NDUFAF6: variants seen among roughly 807,000 people sequenced by gnomAD.
NDUFAF6 encodes the protein NADH:ubiquinone oxidoreductase complex assembly factor 6, also known as NADH dehydrogenase (ubiquinone) complex I, assembly factor 6.
NDUFAF6 carries 45 observed loss-of-function variants against 40.8 expected under a neutral mutation model. The ratio of observed to expected loss-of-function variants is 1.10; its 90% CI spans 0.87 to 1.42. The LOEUF (loss-of-function observed/expected upper bound fraction) is 1.42. Among genes scored for constraint, NDUFAF6 ranks in the 40% most tolerant of loss-of-function variants. The pLI is 0.00. For synonymous variants in NDUFAF6, 185 were observed against 155.9 expected (o/e 1.19, Z -1.39); for missense variants, 435 against 418.5 (o/e 1.04, Z -0.34).
chr8:95,005,127 T>C (rs913616633), intron 2 of NDUFAF6, among the ~76,000 whole-genome samples: 1 of 152,192 alleles, frequency 6.6e-6, no homozygotes, highest in African/African-American at 2.4e-5. Context: ...GACACTTTTC[T>C]TTGAGGTCAG....
intron 1 of NDUFAF6, among the ~76,000 whole-genome samples, chr8:95,028,898 C>G (rs928031345): frequency 9.2e-5 from 14 of 152,172 alleles, no homozygotes; most frequent in African/African-American, 3.4e-4. Context: ...GCTGCTTTGC[C>G]TTCGCTGTCC....
At chr8:95,064,325 A>G (rs1393749791) in intron 9 of NDUFAF6, among the ~76,000 whole-genome samples, 1 of 152,004 alleles carries the variant, frequency 6.6e-6, no homozygotes, top group Non-Finnish European at 1.5e-5. Context: ...GATCTGTTTG[A>G]ATCTTGCTTT....
intron 1 of NDUFAF6, among the ~76,000 whole-genome samples, chr8:94,976,194 C>CAA (rs34588079): frequency 0.039 from 3,989 of 102,000 alleles, 152 homozygotes; most frequent in Middle Eastern, 0.055. Context: ...GACTGTGTCT[C>CAA]AAAAAAAAAA....
At chr8:94,907,046 A>C (rs1818437037) in intron 1 of NDUFAF6, among the ~76,000 whole-genome samples, 1 of 152,230 alleles carries the variant, frequency 6.6e-6, no homozygotes, top group Non-Finnish European at 1.5e-5. Context: ...TAGACTACCA[A>C]GTCCTTCATG....
intron 2 of NDUFAF6, among the ~76,000 whole-genome samples, chr8:95,016,549 C>T (rs1827456546): frequency 6.6e-6 from 1 of 152,160 alleles, no homozygotes; most frequent in Non-Finnish European, 1.5e-5. Context: ...TCGAGACCAT[C>T]CTGGCAACAT....
chr8:94,943,405 CTT>C (rs897412595), intron 1 of NDUFAF6, among the ~76,000 whole-genome samples: 11 of 152,280 alleles, frequency 7.2e-5, no homozygotes, highest in Admixed American at 2.0e-4. Flanking sequence ...GGGAGGATCT[CTT>C]GAGTCCAGGT....
rs867285220 is a variant in NDUFAF6, at chr8:95,010,666, C to T, written c.-83-21329C>T. Among the ~76,000 whole-genome samples, 4 of 152,256 alleles carry T rather than the reference C, an allele frequency of 2.6e-5. 1 individual carries two copies. The highest frequency in any genetic ancestry group is 2.1e-4 in the South Asian group (1 of 4,828). ...GTAGTGACTATGCCTCAGAGAACAA[C>T]TGGCAGCTATTCAGTTTTAATTCCC... On this transcript the variant is annotated intron_variant, in intron 2 of 9. Coordinates refer to the NDUFAF6 transcript ENST00000396111.
chr8:95,014,887 G>A (rs1819991400), intron 2 of NDUFAF6, among the ~76,000 whole-genome samples: 1 of 152,184 alleles, frequency 6.6e-6, no homozygotes, highest in African/African-American at 2.4e-5. Context: ...CAGTTCTAGA[G>A]TTGCATGCTT....
chr8:94,955,697 C>T (rs1823015275), upstream of NDUFAF6, among the ~76,000 whole-genome samples: 1 of 152,206 alleles, frequency 6.6e-6, no homozygotes, highest in African/African-American at 2.4e-5. Context: ...GCTTTAATAA[C>T]TTCTGAGAAC....
chr8:94,960,448 C>A (rs181032104), intron 1 of NDUFAF6, among the ~76,000 whole-genome samples: 30 of 152,264 alleles, frequency 2.0e-4, no homozygotes, highest in African/African-American at 6.3e-4. Flanking sequence ...TAAGTTCATC[C>A]GGTGGAAACT....
rs1303566992 is a variant in NDUFAF6, at chr8:95,068,402, C to G, written c.*512-7231C>G. The G allele has an allele frequency of 2.6e-5, 4 of 151,882 alleles. 1 individual carries two copies. The highest frequency in any genetic ancestry group is 9.7e-5 in the African/African-American group (4 of 41,132). The allele number at this position is 151,882 out of a possible 1,614,324, so 9.4% of individuals were successfully genotyped here. The stretch of plus-strand genomic sequence containing the variant: ...GCATTGTACAGAGATCCATTTACTG[C>G]TGGTATGCTGAATCCCCCACTAGAA... On this transcript the variant is annotated intron_variant and NMD_transcript_variant, in intron 9 of 9. Coordinates refer to the NDUFAF6 transcript ENST00000520757.
At chr8:94,956,524 T>C (rs1823088518), upstream of NDUFAF6, among the ~76,000 whole-genome samples, 1 of 152,162 alleles carries the variant, frequency 6.6e-6, no homozygotes, top group African/African-American at 2.4e-5. Context: ...GGGCAGGGTC[T>C]GGGTCAGGAG....
intron 1 of NDUFAF6, among the ~76,000 whole-genome samples, chr8:94,918,823 AG>A (rs1387494944): frequency 6.6e-6 from 1 of 152,100 alleles, no homozygotes; most frequent in Non-Finnish European, 1.5e-5. Flanking sequence ...TACCTTTGGG[AG>A]GTGTTTAGTA....
At chr8:95,048,216 A>G (rs755734126) in intron 6 of NDUFAF6, among the ~76,000 whole-genome samples, 1 of 152,044 alleles carries the variant, frequency 6.6e-6, no homozygotes, top group Non-Finnish European at 1.5e-5. Context: ...ATCTTGTTGC[A>G]TGTTCCAGGT....
At chr8:94,956,605 A>C (rs138802993), upstream of NDUFAF6, among the ~76,000 whole-genome samples, 1 of 152,334 alleles carries the variant, frequency 6.6e-6, no homozygotes, top group African/African-American at 2.4e-5. Context: ...GGATTCAATA[A>C]TTTCAAAAGA....
At chr8:95,045,754 TTATAC>T in intron 5 of NDUFAF6, 107 bp downstream of exon 5, 1 of 797,430 alleles carries the variant, frequency 1.3e-6, no homozygotes, top group Non-Finnish European at 2.1e-6. Context: ...AAGCCTTCCT[TTATAC>T]TATCTGTAAA....
intron 4 of NDUFAF6, among the ~76,000 whole-genome samples, chr8:95,042,371 A>G (rs1830241451): frequency 6.6e-6 from 1 of 152,250 alleles, no homozygotes. Flanking sequence ...TTTGCTAACT[A>G]TAGGCTGTAG....
intron 2 of NDUFAF6, among the ~76,000 whole-genome samples, chr8:94,946,052 GTAT>G (rs980128171): frequency 5.9e-5 from 9 of 151,540 alleles, no homozygotes; most frequent in Non-Finnish European, 1.3e-4. Flanking sequence ...AGAAAAATAA[GTAT>G]TATTCCATTG....
At position 95,025,176 on chromosome 8, in the gene NDUFAF6, C is replaced by T; in HGVS notation, c.168C>T (p.Gly56=). 1 of 1,477,102 alleles carries T rather than the reference C, an allele frequency of 6.8e-7. No individual in the cohort carries two copies. The allele number at this position is 1,477,102 out of a possible 1,614,324, so 91.5% of individuals were successfully genotyped here. ...VAAASGPGAW[G]TDHYCLELLR... ...CGGCCAGCGGACCGGGCGCCTGGGG[C>T]ACTGACCACTACTGCCTGGAGCTGC... Residue 56 remains glycine (G), a synonymous_variant, in exon 1 of 9, where the codon GGC becomes GGT. Transcript: ENST00000396124.
Sources: gnomAD v4.1 joint callset for allele counts (sites outside exome capture counted in the v4.1 genomes callset) on GRCh38, gnomAD v4.1.1 for gene constraint, MANE v1.5 for transcripts, NCBI Gene and HGNC (gene_info 2026-07-23, HGNC 2026-07-21) for gene names.